The following CPNE3 variants were observed in gnomAD, a reference collection of about 807,000 sequenced individuals.
CPNE3 encodes copine-3.
In CPNE3, 68 loss-of-function variants were observed where a neutral mutation model predicts 63.9. The observed-to-expected ratio is 1.06, with a 90% CI of 0.87 to 1.30. The LOEUF (loss-of-function observed/expected upper bound fraction) is 1.30. Ranked by LOEUF, CPNE3 falls within the 50% of genes most tolerant of loss-of-function variation. CPNE3 has a pLI of 0.00. For missense variants in CPNE3, 665 were observed against 578.1 expected (o/e 1.15, Z -1.54); for synonymous variants, 219 against 197.5 (o/e 1.11, Z -0.91).
chr8:86,560,697 T>G lies in CPNE3; in HGVS notation c.*2287T>G. The G allele has an allele frequency of 6.6e-6, 1 of 152,228 alleles. No homozygotes were observed. The highest frequency in any genetic ancestry group is 1.5e-5 in the Non-Finnish European group (1 of 68,040). 9.4% of individuals were successfully genotyped at this position (152,228 alleles called of 1,614,324 possible). A position where few individuals can be genotyped will look rare whatever the true frequency, so the allele number is the denominator to read the frequency against. On this transcript the variant is annotated 3_prime_UTR_variant, in exon 17 of 17. Transcript: ENST00000517490. ...CAAACTAGGGTAATTGGTGCCTTTTTACAGTTTTGAATAAAAGCATTTACA... is the reference window on the plus strand; with the variant it reads ...CAAACTAGGGTAATTGGTGCCTTTTGACAGTTTTGAATAAAAGCATTTACA...
chr8:86,549,160 C>T (rs1230762504), intron 12 of CPNE3, among the ~76,000 whole-genome samples: 2 of 152,064 alleles, frequency 1.3e-5, no homozygotes, highest in African/African-American at 4.8e-5. Flanking sequence ...ATTTTATTTA[C>T]ATATTGATGG....
chr8:86,528,729 T>C (rs1394295039), intron 3 of CPNE3, 52 bp downstream of exon 3: 3 of 1,544,762 alleles, frequency 1.9e-6, no homozygotes, highest in Non-Finnish European at 2.6e-6. Flanking sequence ...CTTTTAACAA[T>C]GTGAAGAGTT....
intron 8 of CPNE3, among the ~76,000 whole-genome samples, chr8:86,542,831 A>C (rs1189369857): frequency 1.3e-5 from 2 of 152,002 alleles, no homozygotes; most frequent in Non-Finnish European, 2.9e-5. Context: ...TATAGTGAGT[A>C]ATCAAAATTT....
intron 4 of CPNE3, among the ~76,000 whole-genome samples, chr8:86,529,491 C>T (rs1252224462): frequency 1.3e-5 from 2 of 152,130 alleles, no homozygotes; most frequent in African/African-American, 4.8e-5. Flanking sequence ...GTGAGACTGG[C>T]ACCTGCTGAC....
intron 2 of CPNE3, among the ~76,000 whole-genome samples, 183 bp from the exon 3 acceptor site, chr8:86,528,353 T>C (rs1440869776): frequency 6.6e-6 from 1 of 152,194 alleles, no homozygotes. Flanking sequence ...GGCAGTATCA[T>C]TGGAATGAGC....
chr8:86,526,481 A>G (rs1172211580), intron 2 of CPNE3, among the ~76,000 whole-genome samples: 1 of 151,388 alleles, frequency 6.6e-6, no homozygotes, highest in Non-Finnish European at 1.5e-5. Flanking sequence ...AGGCACATAT[A>G]TAAATATATA....
At chr8:86,520,662 C>CTT (rs113992927) in intron 2 of CPNE3, among the ~76,000 whole-genome samples, 4,996 of 139,938 alleles carry the variant, frequency 0.036, 247 homozygotes, top group African/African-American at 0.1. Flanking sequence ...CCAGGCATTT[C>CTT]TTTTTTTTTT....
At chr8:86,533,654 T>A (rs1048212030) in intron 6 of CPNE3, among the ~76,000 whole-genome samples, 1 of 151,920 alleles carries the variant, frequency 6.6e-6, no homozygotes, top group Non-Finnish European at 1.5e-5. Context: ...TTTTAAAAAA[T>A]TTCATGTTCT....
intron 2 of CPNE3, 47 bp from the exon 3 acceptor site, chr8:86,528,489 T>C: frequency 4.4e-6 from 7 of 1,605,180 alleles, no homozygotes; most frequent in Non-Finnish European, 5.1e-6. Context: ...AGTGTGCTTC[T>C]TAAAGGCACT....
At chr8:86,536,051 TAAA>T (rs1820796409) in intron 6 of CPNE3, among the ~76,000 whole-genome samples, 1 of 152,104 alleles carries the variant, frequency 6.6e-6, no homozygotes, top group African/African-American at 2.4e-5. Flanking sequence ...TACATGGCTC[TAAA>T]ATCTACAAAA....
chr8:86,550,339 C>G (rs1188131881), intron 12 of CPNE3, among the ~76,000 whole-genome samples: 1 of 152,154 alleles, frequency 6.6e-6, no homozygotes, highest in Non-Finnish European at 1.5e-5. Flanking sequence ...GCCTCCACTT[C>G]CTGGACCCAA....
In CPNE3 at chr8:86,537,410, T is replaced by C. The variant is rs369434460; in HGVS notation, c.460-153T>C. ...TCCCTAGTAGACTTCCGTAAGTTTC[T>C]AAGTTAGGGAGAAAGGTGATGGGAT... is the stretch of plus-strand genomic sequence containing the variant. On this transcript the variant is annotated intron_variant, in intron 6 of 16. Coordinates refer to ENST00000517490, the MANE Select transcript of CPNE3 (RefSeq NM_003909.5). Among the ~76,000 whole-genome samples the C allele has an allele frequency of 7.9e-5, 12 of 152,326 alleles. No individual in the cohort carries two copies. In the East Asian group the frequency reaches 9.6e-4, roughly 12 times the overall value.
In CPNE3 at chr8:86,554,957, T is replaced by C; in HGVS notation, c.1227T>C (p.Ala409=). 3.1e-6 allele frequency: 5 copies of C among 1,614,160 alleles called. No individual in the cohort carries two copies. The highest frequency in any genetic ancestry group is 4.2e-6 in the Non-Finnish European group (5 of 1,180,022). ...PIINHVARFA[A]AATQQQTASQ... is the part of the protein sequence containing the mutation. ...TAAATCACGTGGCCAGGTTTGCTGC[T>C]GCAGCCACGCAACAGCAGACAGCTT... is the stretch of plus-strand genomic sequence containing the variant. The change falls in exon 15 of 17, where the codon GCT becomes GCC. Residue 409 remains alanine (A), a synonymous_variant. Transcript: ENST00000517490.
In CPNE3 at chr8:86,558,349, A is replaced by G. The variant is rs766024753; in HGVS notation, c.1553A>G (p.Tyr518Cys). ...LAEIPQQVVG[Y>C]FNTYKLLPPK... is the part of the protein sequence containing the mutation. ...GAGATTCCCCAGCAGGTGGTGGGCT[A>G]CTTCAATACATACAAACTCCTTCCT... The change falls in exon 17 of 17, where the codon TAC becomes TGC. Residue 518 changes from tyrosine to cysteine, a missense_variant. Physicochemically the swap from Tyr to Cys is radical, Grantham distance 194. Coordinates refer to ENST00000517490, the MANE Select transcript of CPNE3 (RefSeq NM_003909.5). 24 of 872,872 alleles carry G rather than the reference A, an allele frequency of 2.7e-5. No individual in the cohort carries two copies. In the African/African-American group the frequency reaches 3.6e-4, roughly 13 times the overall value. 54.1% of individuals were successfully genotyped at this position (872,872 alleles called of 1,614,324 possible).
chr8:86,528,051 C>T (rs1820578500), intron 2 of CPNE3, among the ~76,000 whole-genome samples: 1 of 142,758 alleles, frequency 7.0e-6, no homozygotes, highest in Non-Finnish European at 1.5e-5. Flanking sequence ...TGGGTTCAAG[C>T]AATCCTCTTG....
At chr8:86,530,950 C>T (rs1366693547) in intron 4 of CPNE3, among the ~76,000 whole-genome samples, 1 of 152,076 alleles carries the variant, frequency 6.6e-6, no homozygotes, top group African/African-American at 2.4e-5. Context: ...CCTCAGCCTC[C>T]CAAAGTGCTG....
chr8:86,516,031 T>C (rs968264308), intron 2 of CPNE3, among the ~76,000 whole-genome samples: 3 of 152,248 alleles, frequency 2.0e-5, no homozygotes, highest in African/African-American at 7.2e-5. Flanking sequence ...ACTTTTTGCC[T>C]TTGCGAGAAT....
At position 86,540,252 on chromosome 8, in the gene CPNE3, A is replaced by T. The variant is rs1473858447; in HGVS notation, c.551A>T (p.Lys184Ile). 1 of 1,607,450 alleles carries T rather than the reference A, an allele frequency of 6.2e-7. No homozygotes were observed. The highest frequency in any genetic ancestry group is 2.2e-5 in the East Asian group (1 of 44,648). The change falls in exon 8 of 17, where the codon AAA becomes ATA. Residue 184 changes from lysine (K) to isoleucine (I), a missense_variant. Physicochemically the swap from Lys to Ile is moderately radical, Grantham distance 102 (BLOSUM62 -3). Transcript: ENST00000517490. The part of the protein sequence containing the change: ...WLMVHRTEVV[K>I]NNLNPVWRPF... Reference sequence around the variant, plus strand: ...GAAACCACATTTTTATAGGTTGTTAAAAACAACTTGAATCCTGTTTGGAGG... The same window carrying T: ...GAAACCACATTTTTATAGGTTGTTATAAACAACTTGAATCCTGTTTGGAGG...
intron 2 of CPNE3, among the ~76,000 whole-genome samples, chr8:86,527,946 ATTTTTTTTTTT>A (rs869225401): frequency 5.8e-5 from 5 of 85,928 alleles, no homozygotes; most frequent in Non-Finnish European, 8.2e-5. Flanking sequence ...GTAAAAAGAA[ATTTTTTTTTTT>A]TTTTTTTTTT....
Sources: gnomAD v4.1 joint callset for allele counts (sites outside exome capture counted in the v4.1 genomes callset) on GRCh38, gnomAD v4.1.1 for gene constraint, MANE v1.5 for transcripts, NCBI Gene and HGNC (gene_info 2026-07-23, HGNC 2026-07-21) for gene names.